SLC25A53: variants seen among roughly 807,000 people sequenced by gnomAD.
SLC25A53 encodes mitochondrial carrier triple repeat protein 6.
In SLC25A53, 5 loss-of-function variants were observed where a neutral mutation model predicts 15.0. That is an observed-to-expected ratio of 0.33 (90% CI 0.17 to 0.70). The LOEUF (loss-of-function observed/expected upper bound fraction) is 0.70. SLC25A53 is among the 30% of genes least tolerant of loss of function. The pLI, the probability that SLC25A53 is intolerant of heterozygous loss-of-function variation, is 0.67. For synonymous variants in SLC25A53, 95 were observed against 100.0 expected, an observed-to-expected ratio of 0.95 and a Z score of 0.30; for missense variants, 216 against 241.6, an observed-to-expected ratio of 0.89 and a Z score of 0.70.
chrX:104,113,795 C>G (rs1556360082), intron 1 of SLC25A53: 2 of 248,596 alleles, frequency 8.0e-6, no homozygotes, highest in African/African-American at 5.6e-5. Context: ...GGATGTGGCT[C>G]TGAAAAACTA....
chrX:104,107,659 TC>T (rs2075318503), intron 1 of SLC25A53, among the ~76,000 whole-genome samples: 1 of 112,086 alleles, frequency 8.9e-6, no homozygotes, highest in South Asian at 3.7e-4. Context: ...ATGTTCCATT[TC>T]CTCCCTACCA....
chrX:104,105,806 A>T (rs2075306419), intron 1 of SLC25A53, among the ~76,000 whole-genome samples: 1 of 111,607 alleles, frequency 9.0e-6, no homozygotes, highest in Admixed American at 9.5e-5. Flanking sequence ...TTCCTGCCCA[A>T]GTTGTAGCTG....
intron 1 of SLC25A53, among the ~76,000 whole-genome samples, chrX:104,122,310 T>TG (rs1322384759): frequency 6.3e-5 from 5 of 79,703 alleles, no homozygotes; most frequent in Admixed American, 3.5e-4. Flanking sequence ...TTTTGTTTTT[T>TG]TTTTTTGTTT....
At chrX:104,143,123 G>A (rs1439675798) in intron 1 of SLC25A53, among the ~76,000 whole-genome samples, 5 of 110,923 alleles carry the variant, frequency 4.5e-5, no homozygotes, top group Non-Finnish European at 5.7e-5. Context: ...ACCAAAGGTA[G>A]ATAAAACCAC....
rs2075433001 is a variant in SLC25A53 at position 104,134,884 on chromosome X, C to G, written c.-32+21994G>C. ...AAACCCTTCAATGATTCTTCCTTTC[C>G]TACAAAATAAAGCCTTAACTCCTTA... On this transcript the variant is annotated intron_variant, in intron 1 of 1. Coordinates refer to ENST00000594199, the MANE Select transcript of SLC25A53 (RefSeq NM_001012755.5). Among the ~76,000 whole-genome samples the G allele has an allele frequency of 4.5e-5, 5 of 111,053 alleles. No homozygotes were observed. The Admixed American group carries it at 4.8e-4, about 11-fold the overall frequency.
At chrX:104,111,278 G>T (rs2075341429) in intron 1 of SLC25A53, among the ~76,000 whole-genome samples, 1 of 111,629 alleles carries the variant, frequency 9.0e-6, no homozygotes, top group African/African-American at 3.3e-5. Flanking sequence ...TTTATAACAA[G>T]CTCTCCAAAA....
At position 104,104,285 on chromosome X, in the gene SLC25A53, A is replaced by C; in HGVS notation, c.*49T>G. ...CAAAGAAGTAAGCTATATAGAACCA[A>C]CCAGGGAAGATTTAGAATAACAAAG... is the stretch of plus-strand genomic sequence containing the variant. On this transcript the variant is annotated 3_prime_UTR_variant, in exon 2 of 2. Coordinates refer to ENST00000594199, the MANE Select transcript of SLC25A53 (RefSeq NM_001012755.5). 1 of 1,152,888 alleles carries C rather than the reference A, an allele frequency of 8.7e-7. No individual in the cohort carries two copies. Among genetic ancestry groups the C allele is most frequent in the Non-Finnish European group, 1.2e-6 (1 of 851,131 alleles).
At chrX:104,152,691 G>C (rs959079119) in intron 1 of SLC25A53, among the ~76,000 whole-genome samples, 2 of 111,549 alleles carry the variant, frequency 1.8e-5, no homozygotes, top group Non-Finnish European at 3.8e-5. Flanking sequence ...ACCTGCCTCG[G>C]CCTCCTAAAG....
rs1159513730 is a variant in SLC25A53 at position 104,140,976 on chromosome X, G to A, written c.-32+15902C>T. On this transcript the variant is annotated intron_variant, in intron 1 of 1. Transcript: ENST00000594199. Reference sequence around the variant, plus strand: ...AAATTATTATTTCATACGGAGATCTGATTATGCCCCAGGCAAAACAGAAAC... The same window carrying A: ...AAATTATTATTTCATACGGAGATCTAATTATGCCCCAGGCAAAACAGAAAC... Among the ~76,000 whole-genome samples the A allele has an allele frequency of 6.3e-5, 7 of 111,733 alleles. No homozygotes were observed. In the Admixed American group the frequency reaches 6.7e-4, roughly 11 times the overall value.
At chrX:104,125,914 G>A (rs782436508) in intron 1 of SLC25A53, among the ~76,000 whole-genome samples, 12 of 111,883 alleles carry the variant, frequency 1.1e-4, no homozygotes, top group Non-Finnish European at 1.5e-4. Flanking sequence ...AGTGCTCAGT[G>A]ACTGCAAAAC....
At chrX:104,145,053 A>G (rs148231174) in intron 1 of SLC25A53, among the ~76,000 whole-genome samples, 21 of 112,143 alleles carry the variant, frequency 1.9e-4, no homozygotes, top group African/African-American at 5.2e-4. Flanking sequence ...TTGACCACAT[A>G]GTTGGAAGTA....
chrX:104,121,894 T>TC (rs2075394433), intron 1 of SLC25A53, among the ~76,000 whole-genome samples: 232 of 20,818 alleles, frequency 0.011, 20 homozygotes, highest in Middle Eastern at 0.028. Context: ...TATATATATA[T>TC]ATATATATAT....
At chrX:104,131,132 G>C (rs782376591) in intron 1 of SLC25A53, 1 of 111,543 alleles carries the variant, frequency 9.0e-6, no homozygotes, top group East Asian at 2.8e-4. Flanking sequence ...GGAAAGCTGG[G>C]CTCAGCTGGG....
intron 1 of SLC25A53, chrX:104,114,413 T>C: frequency 8.3e-7 from 1 of 1,212,051 alleles, no homozygotes; most frequent in Non-Finnish European, 1.1e-6. Context: ...ATGCGTTTGC[T>C]TCAGGCGGCC....
At chrX:104,151,169 T>G (rs2147881763) in intron 1 of SLC25A53, among the ~76,000 whole-genome samples, 1 of 111,672 alleles carries the variant, frequency 9.0e-6, no homozygotes, top group African/African-American at 3.3e-5. Flanking sequence ...CCTTATCACC[T>G]TATCAAGTGC....
chrX:104,109,151 G>T (rs1172332419), intron 1 of SLC25A53, among the ~76,000 whole-genome samples: 1 of 111,696 alleles, frequency 9.0e-6, no homozygotes, highest in Non-Finnish European at 1.9e-5. Flanking sequence ...AAGGCACATA[G>T]GCTTAAGAGT....
At chrX:104,111,179 T>C (rs781982438) in intron 1 of SLC25A53, among the ~76,000 whole-genome samples, 12 of 112,430 alleles carry the variant, frequency 1.1e-4, no homozygotes, top group Non-Finnish European at 1.9e-4. Flanking sequence ...CAGAATCAAC[T>C]ACAGGGCTGG....
At position 104,122,538 on chromosome X, in the gene SLC25A53, T is replaced by G. The variant is rs190592014; in HGVS notation, c.-31-17250A>C. On this transcript the variant is annotated intron_variant, in intron 1 of 1. Transcript: ENST00000594199. ...AGGCAATCAATTACTAAAAGGCTGC[T>G]CACACTCTCTTTTTCCGTAATGAGA... Among the ~76,000 whole-genome samples, 908 of 110,694 alleles carry G rather than the reference T, an allele frequency of 8.2e-3. 35 individuals carry two copies. The Admixed American group carries it at 0.083, about 10-fold the overall frequency.
intron 1 of SLC25A53, among the ~76,000 whole-genome samples, chrX:104,151,897 G>C (rs2075485648): frequency 8.9e-6 from 1 of 111,931 alleles, no homozygotes; most frequent in Non-Finnish European, 1.9e-5. Context: ...ACTAGGTGTG[G>C]ATTTAGACAG....
Sources: gnomAD v4.1 joint callset for allele counts (sites outside exome capture counted in the v4.1 genomes callset) on GRCh38, gnomAD v4.1.1 for gene constraint, MANE v1.5 for transcripts, NCBI Gene and HGNC (gene_info 2026-07-23, HGNC 2026-07-21) for gene names.